Variants in PCDHGA5 observed in about 807,000 individuals in gnomAD.
PCDHGA5 encodes the protein protocadherin gamma-A5.
A neutral mutation model predicts 56.7 loss-of-function variants in PCDHGA5; 36 were observed. The ratio of observed to expected loss-of-function variants is 0.64; its 90% CI spans 0.49 to 0.84. The LOEUF is 0.84. Among genes scored for constraint, PCDHGA5 ranks in the 40% least tolerant of loss-of-function variants. The probability of loss-of-function intolerance (pLI) is 0.00; values close to 1 mark genes in which losing one functional copy is unlikely to be tolerated. For synonymous variants in PCDHGA5, 563 were observed against 520.2 expected, an observed-to-expected ratio of 1.08 and a Z score of -1.12; for missense variants, 1,305 against 1,201.5, an observed-to-expected ratio of 1.09 and a Z score of -1.27.
intron 3 of PCDHGA5, 110 bp from the exon 4 acceptor site, chr5:141,510,837 G>A (rs969654751): frequency 1.3e-6 from 2 of 1,586,392 alleles, no homozygotes; most frequent in Non-Finnish European, 8.6e-7. Context: ...GCTCAGCGTG[G>A]TCAAGGCCCA....
At chr5:141,421,504 C>G (rs757410882) in intron 1 of PCDHGA5, 1 of 1,614,062 alleles carries the variant, frequency 6.2e-7, no homozygotes, top group South Asian at 1.1e-5. Flanking sequence ...CAGGATAGAC[C>G]GGGAGGAGCT....
rs191916514 is a variant in PCDHGA5, at chr5:141,456,716, G to A, written c.2422-38091G>A. 3.9e-3 allele frequency among the ~76,000 whole-genome samples: 589 copies of A among 152,314 alleles called. 5 individuals carry two copies. Among genetic ancestry groups the A allele is most frequent in the Admixed American group, 0.011 (169 of 15,300 alleles). On this transcript the variant is annotated intron_variant, in intron 1 of 3. Transcript: ENST00000518069. ...GTGGTGGCTCGCGCCTGTAATCCCA[G>A]CACTTTGGGAGGCTGAGGCGGGAGC...
chr5:141,441,762 C>A (rs3805697), intron 1 of PCDHGA5: 10 of 374,012 alleles, frequency 2.7e-5, no homozygotes, highest in Non-Finnish European at 2.2e-5. Flanking sequence ...CGTGAGCCTG[C>A]GCGTGTTGGT....
At position 141,489,099 on chromosome 5, in the gene PCDHGA5, G is replaced by C; in HGVS notation, c.2422-5708G>C. 5.5e-6 allele frequency: 2 copies of C among 361,982 alleles called. No homozygotes were observed. The highest frequency in any genetic ancestry group is 5.0e-5 in the South Asian group (1 of 19,862). 22.4% of individuals were successfully genotyped at this position (361,982 alleles called of 1,614,324 possible). On this transcript the variant is annotated intron_variant, in intron 1 of 3. Coordinates refer to ENST00000518069, the MANE Select transcript of PCDHGA5 (RefSeq NM_018918.3). The surrounding 1 kb of genome is among the most constrained non-coding windows in gnomAD (Gnocchi z 4.5). Reference sequence around the variant, plus strand: ...CCCCGCCACTCGGTGACTAAGAACTGCTGCAAGCAGGCAAACCTCCGAGCA... The same window carrying C: ...CCCCGCCACTCGGTGACTAAGAACTCCTGCAAGCAGGCAAACCTCCGAGCA...
At chr5:141,409,437 G>A in intron 1 of PCDHGA5, 1 of 1,613,968 alleles carries the variant, frequency 6.2e-7, no homozygotes, top group Non-Finnish European at 8.5e-7. Context: ...GCCCTGGACC[G>A]AGAGCAGACA....
chr5:141,496,081 C>A (rs976166091), intron 2 of PCDHGA5, among the ~76,000 whole-genome samples: 1 of 152,060 alleles, frequency 6.6e-6, no homozygotes, highest in Non-Finnish European at 1.5e-5. Flanking sequence ...CACAACCCCC[C>A]ACCCACCACC....
At chr5:141,390,596 C>T (rs2092187528) in intron 1 of PCDHGA5, 1 of 329,834 alleles carries the variant, frequency 3.0e-6, no homozygotes. Context: ...GAGATTTTTC[C>T]TATACATTTT....
chr5:141,497,374 T>C (rs2099776044), intron 2 of PCDHGA5, among the ~76,000 whole-genome samples: 1 of 152,112 alleles, frequency 6.6e-6, no homozygotes, highest in Non-Finnish European at 1.5e-5. Flanking sequence ...ATGTGTCCTC[T>C]GGGGTGAGCA....
At position 141,431,294 on chromosome 5, in the gene PCDHGA5, T is replaced by C; in HGVS notation, c.2422-63513T>C. 1.9e-6 allele frequency: 3 copies of C among 1,614,096 alleles called. No individual in the cohort carries two copies. Among genetic ancestry groups the C allele is most frequent in the Non-Finnish European group, 2.5e-6 (3 of 1,180,026 alleles). ...CGAGCTCAGCCCGAACACTCACTTC[T>C]CCCTCATCGTGCAAAATGGAGCCGA... On this transcript the variant is annotated intron_variant, in intron 1 of 3. Transcript: ENST00000518069. The surrounding 1 kb of genome is among the most constrained non-coding windows in gnomAD (Gnocchi z 4.8).
At chr5:141,384,286 G>A (rs760333073) in intron 1 of PCDHGA5, 3 of 1,613,834 alleles carry the variant, frequency 1.9e-6, no homozygotes, top group South Asian at 2.2e-5. Context: ...CTACATCGCT[G>A]AGAACAACCC....
chr5:141,377,635 A>G (rs561038965), intron 1 of PCDHGA5: 1 of 151,932 alleles, frequency 6.6e-6, no homozygotes, highest in African/African-American at 2.4e-5. Flanking sequence ...GTTTTTTCTC[A>G]GTGTTACTTG....
intron 1 of PCDHGA5, chr5:141,404,341 AAAC>A (rs769977252): frequency 6.2e-7 from 1 of 1,613,966 alleles, no homozygotes; most frequent in Non-Finnish European, 8.5e-7. Flanking sequence ...ACCTCCCGGA[AAAC>A]AACGCCAGAG....
intron 1 of PCDHGA5, chr5:141,421,219 G>T (rs894586889): frequency 1.0e-5 from 16 of 1,573,208 alleles, no homozygotes; most frequent in Non-Finnish European, 1.3e-5. Context: ...TATCGGCTTA[G>T]AGCCTGCCAT....
At chr5:141,397,277 C>A (rs920366365) in intron 1 of PCDHGA5, among the ~76,000 whole-genome samples, 1 of 151,970 alleles carries the variant, frequency 6.6e-6, no homozygotes. Flanking sequence ...ATCATATGGG[C>A]AGTATACTTG....
Position 141,478,335 on chromosome 5 carries a change from C to T in PCDHGA5, c.2422-16472C>T, listed in dbSNP as rs202213361. On this transcript the variant is annotated intron_variant, in intron 1 of 3. Coordinates refer to ENST00000518069, the MANE Select transcript of PCDHGA5 (RefSeq NM_018918.3). ...AGCTCACTGTACCGAACACCAGGGC[C>T]CTCCTTGCACGCGGACGCCGTGCGG... 4.7e-5 allele frequency: 76 copies of T among 1,613,822 alleles called. No individual in the cohort carries two copies. The highest frequency in any genetic ancestry group is 6.1e-5 in the Non-Finnish European group (72 of 1,180,028).
chr5:141,370,228 C>T (rs1172263446), intron 1 of PCDHGA5: 1 of 585,074 alleles, frequency 1.7e-6, no homozygotes, highest in Non-Finnish European at 2.8e-6. Flanking sequence ...CTGCAGCCAG[C>T]TCGGAAGAAA....
chr5:141,472,980 C>CAAAAAAAAAAAAAAAAAGAAAAAAAAA (rs2099309731), intron 1 of PCDHGA5, among the ~76,000 whole-genome samples: 1 of 86,106 alleles, frequency 1.2e-5, no homozygotes, highest in Non-Finnish European at 2.5e-5. Flanking sequence ...GAGTGAAACT[C>CAAAAAAAAAAAAAAAAAGAAAAAAAAA]AAAAAAAAAA....
At position 141,476,978 on chromosome 5, in the gene PCDHGA5, C is replaced by T; in HGVS notation, c.2422-17829C>T. 2 of 1,614,256 alleles carry T rather than the reference C, an allele frequency of 1.2e-6. No homozygotes were observed. Among genetic ancestry groups the T allele is most frequent in the Non-Finnish European group, 1.7e-6 (2 of 1,180,058 alleles). ...TATTTACTCCTTCGGCAGCCACAAC[C>T]GCGCCGGCGTGCGGCAACTATTCGC... On this transcript the variant is annotated intron_variant, in intron 1 of 3. Coordinates refer to ENST00000518069, the MANE Select transcript of PCDHGA5 (RefSeq NM_018918.3). This position sits in a 1 kb window ranked among gnomAD's most constrained non-coding sequence, Gnocchi z 7.6.
At chr5:141,498,318 G>T (rs927950671) in intron 2 of PCDHGA5, among the ~76,000 whole-genome samples, 2 of 151,792 alleles carry the variant, frequency 1.3e-5, no homozygotes, top group African/African-American at 4.8e-5. Flanking sequence ...TGCCTACACA[G>T]AAGGAAGAGC....
Sources: allele counts gnomAD v4.1 joint callset (sites outside exome capture counted in the v4.1 genomes callset), GRCh38; gene constraint gnomAD v4.1.1; non-coding constraint Gnocchi (gnomAD v3.1); transcripts MANE v1.5; gene names NCBI Gene and HGNC (gene_info 2026-07-23, HGNC 2026-07-21).